The following ZNF423 variants were observed in gnomAD, a reference collection of about 807,000 sequenced individuals.
The protein encoded by ZNF423 is zinc finger protein 423, also known as Ebf-associated zinc finger protein.
A neutral mutation model predicts 95.8 loss-of-function variants in ZNF423; 12 were observed. The observed-to-expected ratio is 0.13, with a 90% CI of 0.08 to 0.20. The LOEUF (loss-of-function observed/expected upper bound fraction) is 0.20, where lower values mean the gene tolerates loss of function less well. Among genes scored for constraint, ZNF423 ranks in the 10% least tolerant of loss-of-function variants. ZNF423 has a pLI of 1.00. For synonymous variants in ZNF423, 749 were observed against 711.9 expected (o/e 1.05, Z -0.83); for missense variants, 1,316 against 1,737.1 (o/e 0.76, Z 4.31).
chr16:49,675,543 C>T (rs911232510), intron 3 of ZNF423, among the ~76,000 whole-genome samples: 1 of 152,106 alleles, frequency 6.6e-6, no homozygotes, highest in African/African-American at 2.4e-5. Context: ...ACGGCCCCCA[C>T]AACCACGCTG....
intron 1 of ZNF423, among the ~76,000 whole-genome samples, chr16:49,817,178 GCT>G (rs2144000831): frequency 6.6e-6 from 1 of 152,212 alleles, no homozygotes; most frequent in East Asian, 1.9e-4. Context: ...CACGCCTGAG[GCT>G]CTGGCCACCT....
intron 5 of ZNF423, among the ~76,000 whole-genome samples, chr16:49,551,279 G>A (rs8054904): frequency 0.022 from 3,417 of 152,286 alleles, 140 homozygotes; most frequent in African/African-American, 0.078. Flanking sequence ...AACATCCAAC[G>A]CTCCGCTTTT....
Position 49,604,040 on chromosome 16 carries a change from G to A in ZNF423, c.3601+22130C>T, listed in dbSNP as rs561539149. Among the ~76,000 whole-genome samples, 13 of 152,314 alleles carry A rather than the reference G, an allele frequency of 8.5e-5. No individual in the cohort carries two copies. In the East Asian group the frequency reaches 2.3e-3, roughly 27 times the overall value. On this transcript the variant is annotated intron_variant, in intron 5 of 7. Transcript: ENST00000563137. ...AGACGAAAGGCCCTTGGGTGTTCTCGTACGATACCGGTGTCTGAGCTGCAA... is the reference window on the plus strand; with the variant it reads ...AGACGAAAGGCCCTTGGGTGTTCTCATACGATACCGGTGTCTGAGCTGCAA...
chr16:49,756,996 A>G (rs2033739792), intron 2 of ZNF423, among the ~76,000 whole-genome samples: 1 of 152,230 alleles, frequency 6.6e-6, no homozygotes, highest in Non-Finnish European at 1.5e-5. Flanking sequence ...AACTATAGTG[A>G]GAAGTCCCAT....
At chr16:49,796,861 A>G (rs1269172622) in intron 1 of ZNF423, among the ~76,000 whole-genome samples, 2 of 152,194 alleles carry the variant, frequency 1.3e-5, no homozygotes, top group Non-Finnish European at 2.9e-5. Context: ...AGATTTCATC[A>G]GAAGATCTAG....
chr16:49,590,618 G>A lies in ZNF423; in HGVS notation c.3601+35552C>T, dbSNP rs542459140. 4.6e-5 allele frequency among the ~76,000 whole-genome samples: 7 copies of A among 152,222 alleles called. No homozygotes were observed. In the East Asian group the frequency reaches 1.4e-3, roughly 29 times the overall value. On this transcript the variant is annotated intron_variant, in intron 5 of 7. Coordinates refer to ENST00000563137, the MANE Select transcript of ZNF423 (RefSeq NM_001379286.1). The stretch of plus-strand genomic sequence containing the variant: ...AGGCTGGTGGGAAGCCGTTCCCCCA[G>A]CCCTGTGCTTCCCCTTGGTCTTCTC...
At chr16:49,853,512 G>A (rs964969546) in intron 1 of ZNF423, among the ~76,000 whole-genome samples, 5 of 152,156 alleles carry the variant, frequency 3.3e-5, no homozygotes, top group Admixed American at 6.5e-5. Flanking sequence ...GAATCAGGGG[G>A]TCTCTGACTC....
chr16:49,694,239 A>G, intron 3 of ZNF423, among the ~76,000 whole-genome samples: 1 of 152,202 alleles, frequency 6.6e-6, no homozygotes, highest in South Asian at 2.1e-4. Context: ...CCAGAGATCA[A>G]AACCTGTTCT....
intron 3 of ZNF423, among the ~76,000 whole-genome samples, chr16:49,666,543 TAC>T (rs1261988414): frequency 2.6e-5 from 4 of 152,210 alleles, no homozygotes; most frequent in African/African-American, 9.7e-5. Context: ...CAGTTCTATA[TAC>T]ACAGTCACAT....
At chr16:49,715,988 C>G (rs2032694502) in intron 3 of ZNF423, among the ~76,000 whole-genome samples, 1 of 152,028 alleles carries the variant, frequency 6.6e-6, no homozygotes, top group Non-Finnish European at 1.5e-5. Context: ...GTCGATGCTG[C>G]AGTGAGCTGT....
At chr16:49,666,575 T>G (rs1304478734) in intron 3 of ZNF423, among the ~76,000 whole-genome samples, 1 of 152,216 alleles carries the variant, frequency 6.6e-6, no homozygotes, top group Non-Finnish European at 1.5e-5. Context: ...TACATATGCA[T>G]GGTTATACTC....
intron 5 of ZNF423, among the ~76,000 whole-genome samples, chr16:49,615,128 T>TCACACACA (rs557190259): frequency 0.11 from 10,635 of 97,970 alleles, 532 homozygotes; most frequent in African/African-American, 0.19. Flanking sequence ...AGAAACTCCA[T>TCACACACA]CTCACACACA....
intron 7 of ZNF423, among the ~76,000 whole-genome samples, chr16:49,510,282 A>G (rs8044290): frequency 0.62 from 94,525 of 152,070 alleles, 30,709 homozygotes; most frequent in African/African-American, 0.83. Flanking sequence ...GGTGACGACA[A>G]TGAGTCACCG....
intron 5 of ZNF423, among the ~76,000 whole-genome samples, chr16:49,528,796 G>A (rs1251933772): frequency 1.3e-5 from 2 of 151,838 alleles, no homozygotes; most frequent in Admixed American, 6.6e-5. Flanking sequence ...AGGGCGGGGA[G>A]GGGCTGCCCT....
chr16:49,545,863 C>T (rs993708435), intron 5 of ZNF423, among the ~76,000 whole-genome samples: 1 of 152,200 alleles, frequency 6.6e-6, no homozygotes, highest in African/African-American at 2.4e-5. Flanking sequence ...GGGATGGGCT[C>T]ATAAAATCTC....
Position 49,539,349 on chromosome 16 carries a change from C to T in ZNF423, c.3602-13855G>A, listed in dbSNP as rs536417854. ...CCCGGGAACCCCATACCACCTCAGC[C>T]ACCATGCCATTCTCAGGGCTGGACA... On this transcript the variant is annotated intron_variant, in intron 5 of 7. Transcript: ENST00000563137. 8.5e-5 allele frequency among the ~76,000 whole-genome samples: 13 copies of T among 152,292 alleles called. 1 individual carries two copies. The highest frequency in any genetic ancestry group is 8.5e-4 in the Admixed American group (13 of 15,300).
At chr16:49,826,147 G>A (rs193218587) in intron 1 of ZNF423, among the ~76,000 whole-genome samples, 42 of 152,316 alleles carry the variant, frequency 2.8e-4, no homozygotes, top group African/African-American at 7.7e-4. Context: ...GGGAGGTCGA[G>A]GCTTCAGTGA....
At chr16:49,645,544 A>G (rs896623522) in intron 3 of ZNF423, among the ~76,000 whole-genome samples, 6 of 152,192 alleles carry the variant, frequency 3.9e-5, no homozygotes, top group African/African-American at 1.4e-4. Flanking sequence ...CCAATGCTAG[A>G]TGCTTTTCAG....
chr16:49,641,903 G>A (rs1477962656), intron 3 of ZNF423, among the ~76,000 whole-genome samples: 1 of 152,172 alleles, frequency 6.6e-6, no homozygotes, highest in Non-Finnish European at 1.5e-5. Flanking sequence ...TGAGGGAAAT[G>A]GTCTAAAACT....
Sources: gnomAD v4.1 joint callset for allele counts (sites outside exome capture counted in the v4.1 genomes callset) on GRCh38, gnomAD v4.1.1 for gene constraint, MANE v1.5 for transcripts, NCBI Gene and HGNC (gene_info 2026-07-23, HGNC 2026-07-21) for gene names.